DNM3: variants seen among roughly 807,000 people sequenced by gnomAD.
DNM3 encodes dynamin-3.
In DNM3, 47 loss-of-function variants were observed where a neutral mutation model predicts 101.6. The observed-to-expected ratio is 0.46, with a 90% CI of 0.37 to 0.59. DNM3 has a LOEUF of 0.59. DNM3 is among the 20% of genes least tolerant of loss of function. The pLI is 0.00. For missense variants in DNM3, 849 were observed against 1,085.7 expected (o/e 0.78, Z 3.06); for synonymous variants, 385 against 387.9 (o/e 0.99, Z 0.09).
rs531045853 is a variant in DNM3 at position 172,317,766 on chromosome 1, G to C, written c.1882-5563G>C. Among the ~76,000 whole-genome samples the C allele has an allele frequency of 2.3e-3, 349 of 152,220 alleles. 2 individuals are homozygous for C. The highest frequency in any genetic ancestry group is 8.0e-3 in the African/African-American group (333 of 41,540). On this transcript the variant is annotated intron_variant, in intron 16 of 20. Transcript: ENST00000627582. The stretch of plus-strand genomic sequence containing the variant: ...TAATCAATAGCTTACCAACCAAAAA[G>C]AGTCCAGGACCAGATGGATTCACAG...
intron 14 of DNM3, among the ~76,000 whole-genome samples, chr1:172,140,992 C>T (rs1333464400): frequency 6.6e-6 from 1 of 151,642 alleles, no homozygotes; most frequent in South Asian, 2.1e-4. Flanking sequence ...ATTATCATAC[C>T]ATGTAATTTT....
At chr1:172,150,528 C>A (rs1373224742) in intron 14 of DNM3, among the ~76,000 whole-genome samples, 2 of 152,112 alleles carry the variant, frequency 1.3e-5, no homozygotes, top group Non-Finnish European at 2.9e-5. Flanking sequence ...TTGTTTTGAG[C>A]ACTGATTTTA....
At chr1:172,026,309 GA>G (rs1460393609) in intron 4 of DNM3, among the ~76,000 whole-genome samples, 1 of 152,160 alleles carries the variant, frequency 6.6e-6, no homozygotes, top group African/African-American at 2.4e-5. Context: ...GGGGCTATGT[GA>G]AAAGACCAAG....
At chr1:172,081,296 A>G (rs1017905802) in intron 11 of DNM3, among the ~76,000 whole-genome samples, 3 of 152,094 alleles carry the variant, frequency 2.0e-5, no homozygotes, top group Non-Finnish European at 4.4e-5. Flanking sequence ...ATTTATTTGT[A>G]TATTGACTTT....
At chr1:171,885,185 G>A (rs1328556876) in intron 1 of DNM3, among the ~76,000 whole-genome samples, 1 of 152,100 alleles carries the variant, frequency 6.6e-6, no homozygotes, top group African/African-American at 2.4e-5. Flanking sequence ...GATGAGGAAA[G>A]TCTATGGAGA....
intron 13 of DNM3, among the ~76,000 whole-genome samples, chr1:172,126,212 G>A (rs760669637): frequency 3.9e-5 from 6 of 152,154 alleles, no homozygotes; most frequent in Non-Finnish European, 5.9e-5. Flanking sequence ...TAAAAGAAAG[G>A]GCTGGGATTG....
At chr1:172,286,299 A>G (rs2148803093) in intron 15 of DNM3, among the ~76,000 whole-genome samples, 1 of 152,254 alleles carries the variant, frequency 6.6e-6, no homozygotes, top group South Asian at 2.1e-4. Flanking sequence ...CTATTACCAT[A>G]TATTCTGACC....
chr1:172,382,747 G>A (rs1428286916), intron 18 of DNM3, among the ~76,000 whole-genome samples: 2 of 152,286 alleles, frequency 1.3e-5, no homozygotes, highest in Non-Finnish European at 2.9e-5. Flanking sequence ...AAGGTGAGAA[G>A]CAATGTTTGA....
At chr1:172,142,460 A>G (rs1484803634) in intron 14 of DNM3, among the ~76,000 whole-genome samples, 1 of 152,068 alleles carries the variant, frequency 6.6e-6, no homozygotes, top group Non-Finnish European at 1.5e-5. Context: ...CTTTGCCTCG[A>G]AAATAAGTCG....
chr1:172,292,485 TA>T (rs1332232067), intron 15 of DNM3, among the ~76,000 whole-genome samples: 1 of 152,128 alleles, frequency 6.6e-6, no homozygotes, highest in East Asian at 1.9e-4. Context: ...AAAATCCTTT[TA>T]AAATAGAACA....
intron 1 of DNM3, among the ~76,000 whole-genome samples, chr1:171,897,543 T>C (rs758402718): frequency 6.6e-6 from 1 of 152,218 alleles, no homozygotes; most frequent in African/African-American, 2.4e-5. Context: ...GTCAATCTTT[T>C]GATTTTAAGT....
chr1:171,871,177 G>C (rs1331062058), intron 1 of DNM3, among the ~76,000 whole-genome samples: 2 of 152,166 alleles, frequency 1.3e-5, no homozygotes, highest in African/African-American at 2.4e-5. Context: ...TAAGTGACAT[G>C]ATGTGCAATT....
intron 10 of DNM3, among the ~76,000 whole-genome samples, chr1:172,052,666 C>G (rs970509418): frequency 2.0e-5 from 3 of 152,136 alleles, no homozygotes; most frequent in African/African-American, 7.2e-5. Flanking sequence ...TGGCACTCCT[C>G]TCTCATGGGT....
At chr1:171,847,886 CTCTCTCTCTCTGTGTGTGTGTGTGTG>C (rs2032381464) in intron 1 of DNM3, among the ~76,000 whole-genome samples, 1 of 50,910 alleles carries the variant, frequency 2.0e-5, no homozygotes, top group Admixed American at 2.2e-4. Context: ...ATTACTCTCT[CTCTCTCTCTCTGTGTGTGTGTGTGTG>C]TGTGTGTGTG....
At chr1:172,371,697 C>T (rs1269810772) in intron 17 of DNM3, among the ~76,000 whole-genome samples, 2 of 151,852 alleles carry the variant, frequency 1.3e-5, no homozygotes, top group African/African-American at 4.8e-5. Flanking sequence ...AGTCACAAAG[C>T]TTATTAGTGA....
intron 2 of DNM3, among the ~76,000 whole-genome samples, chr1:171,948,657 T>G (rs2042314812): frequency 6.6e-6 from 1 of 152,152 alleles, no homozygotes; most frequent in African/African-American, 2.4e-5. Flanking sequence ...TGTTACTGGT[T>G]CTACTGGAAC....
At chr1:172,122,806 A>G (rs2056399838) in intron 13 of DNM3, among the ~76,000 whole-genome samples, 2 of 152,330 alleles carry the variant, frequency 1.3e-5, no homozygotes, top group South Asian at 4.1e-4. Context: ...AATGGCAAAC[A>G]GTGCAGAAAC....
chr1:171,883,777 C>A (rs2036532871), intron 1 of DNM3, among the ~76,000 whole-genome samples: 1 of 151,966 alleles, frequency 6.6e-6, no homozygotes. Context: ...GCCCCTGATT[C>A]CTCTTTTTCC....
intron 16 of DNM3, among the ~76,000 whole-genome samples, chr1:172,318,684 C>T (rs1041198167): frequency 3.0e-4 from 45 of 152,148 alleles, no homozygotes; most frequent in South Asian, 1.5e-3. Context: ...TTACAAGGGA[C>T]GTGAAGGACC....
Sources: gnomAD v4.1 joint callset for allele counts (sites outside exome capture counted in the v4.1 genomes callset) on GRCh38, gnomAD v4.1.1 for gene constraint, MANE v1.5 for transcripts, NCBI Gene and HGNC (gene_info 2026-07-23, HGNC 2026-07-21) for gene names.